The following DACH2 variants were observed in gnomAD, a reference collection of about 807,000 sequenced individuals.
DACH2 encodes dachshund homolog 2.
DACH2 carries 17 observed loss-of-function variants against 35.8 expected under a neutral mutation model. That is an observed-to-expected ratio of 0.48 (90% CI 0.33 to 0.71). DACH2 has a LOEUF of 0.71. Among genes scored for constraint, DACH2 ranks in the 30% least tolerant of loss-of-function variants. DACH2 has a pLI of 0.02. For missense variants in DACH2, 469 were observed against 472.7 expected (o/e 0.99, Z 0.07); for synonymous variants, 195 against 177.3 (o/e 1.10, Z -0.79).
chrX:86,301,284 A>G (rs1255066448), intron 1 of DACH2, among the ~76,000 whole-genome samples: 2 of 112,285 alleles, frequency 1.8e-5, no homozygotes, highest in Non-Finnish European at 1.9e-5. Flanking sequence ...ATTGTGCAAC[A>G]GATACATCTA....
chrX:86,684,871 G>A (rs181015098), intron 4 of DACH2, among the ~76,000 whole-genome samples: 8 of 110,779 alleles, frequency 7.2e-5, no homozygotes, highest in African/African-American at 9.8e-5. Flanking sequence ...AGTAAATTTC[G>A]AGCTGTATAC....
At chrX:86,751,309 A>T (rs1371941638) in intron 7 of DACH2, among the ~76,000 whole-genome samples, 1 of 111,181 alleles carries the variant, frequency 9.0e-6, no homozygotes. Flanking sequence ...CGGATACAAG[A>T]TTGGTTCAAC....
intron 1 of DACH2, among the ~76,000 whole-genome samples, chrX:86,323,260 G>T (rs947880018): frequency 8.9e-6 from 1 of 112,441 alleles, no homozygotes; most frequent in Non-Finnish European, 1.9e-5. Flanking sequence ...TATCCAGTTT[G>T]ACTGGGCAGT....
intron 7 of DACH2, among the ~76,000 whole-genome samples, chrX:86,812,025 G>T (rs1738473174): frequency 9.0e-6 from 1 of 111,651 alleles, no homozygotes; most frequent in Non-Finnish European, 1.9e-5. Flanking sequence ...GATATTCCAT[G>T]AAATAAAAAG....
chrX:86,149,698 C>T (rs1407138590), intron 1 of DACH2, among the ~76,000 whole-genome samples: 1 of 112,293 alleles, frequency 8.9e-6, no homozygotes, highest in Non-Finnish European at 1.9e-5. Flanking sequence ...TGTATGTGTG[C>T]AAGTGCGCGT....
At chrX:86,501,359 A>G (rs2038246794) in intron 2 of DACH2, among the ~76,000 whole-genome samples, 1 of 111,701 alleles carries the variant, frequency 9.0e-6, no homozygotes, top group Non-Finnish European at 1.9e-5. Context: ...CATGGCTAAT[A>G]TTAATTGGAA....
chrX:86,477,606 A>T (rs997369475), intron 2 of DACH2, among the ~76,000 whole-genome samples: 2 of 109,575 alleles, frequency 1.8e-5, no homozygotes, highest in African/African-American at 6.6e-5. Context: ...GTTCAGTTTT[A>T]AAAAATCTAT....
At chrX:86,551,826 A>G (rs927408186) in intron 3 of DACH2, among the ~76,000 whole-genome samples, 21 of 111,759 alleles carry the variant, frequency 1.9e-4, no homozygotes, top group Non-Finnish European at 3.8e-4. Context: ...CTTTGATATG[A>G]GTGTGCTTTC....
intron 1 of DACH2, among the ~76,000 whole-genome samples, chrX:86,348,162 T>C (rs904652791): frequency 3.4e-4 from 38 of 111,754 alleles, no homozygotes; most frequent in African/African-American, 1.2e-3. Flanking sequence ...CCCGTCTTTT[T>C]CTTAGTAAAA....
chrX:86,711,041 A>G (rs777730161), intron 5 of DACH2, among the ~76,000 whole-genome samples: 1 of 112,303 alleles, frequency 8.9e-6, no homozygotes, highest in South Asian at 3.7e-4. Flanking sequence ...GCACTTACAT[A>G]AAAATTATAG....
chrX:86,158,073 C>T (rs886486652), intron 1 of DACH2, among the ~76,000 whole-genome samples: 1 of 110,922 alleles, frequency 9.0e-6, no homozygotes, highest in Non-Finnish European at 1.9e-5. Context: ...TAAAAAAGAT[C>T]ATCCATAAAA....
chrX:86,418,117 C>T (rs2036740437), intron 2 of DACH2, among the ~76,000 whole-genome samples: 1 of 112,385 alleles, frequency 8.9e-6, no homozygotes, highest in Admixed American at 9.4e-5. Context: ...TGCCCATGGT[C>T]TTGGACAGCT....
chrX:86,423,615 G>T (rs1435919090), intron 2 of DACH2, among the ~76,000 whole-genome samples: 1 of 109,046 alleles, frequency 9.2e-6, no homozygotes, highest in Non-Finnish European at 1.9e-5. Context: ...TCTGTGAGTT[G>T]TGTCTTCATT....
chrX:86,410,920 G>T (rs1426955506), intron 2 of DACH2, among the ~76,000 whole-genome samples: 1 of 103,229 alleles, frequency 9.7e-6, no homozygotes, highest in Non-Finnish European at 2.0e-5. Flanking sequence ...TGCCACATTT[G>T]CTTTGTCTGT....
intron 1 of DACH2, among the ~76,000 whole-genome samples, chrX:86,194,326 T>G (rs1444680014): frequency 8.9e-6 from 1 of 111,753 alleles, no homozygotes; most frequent in African/African-American, 3.3e-5. Context: ...CTTCAAGATA[T>G]AGCTAATTAG....
At chrX:86,194,141 C>T (rs1453963006) in intron 1 of DACH2, among the ~76,000 whole-genome samples, 3 of 110,854 alleles carry the variant, frequency 2.7e-5, no homozygotes, top group Non-Finnish European at 5.7e-5. Context: ...CCAAGTTCTG[C>T]TAATTTGACT....
intron 3 of DACH2, among the ~76,000 whole-genome samples, chrX:86,532,857 CA>C (rs1231582006): frequency 9.1e-6 from 1 of 110,428 alleles, no homozygotes; most frequent in African/African-American, 3.3e-5. Flanking sequence ...GAGATAGAAC[CA>C]TACATTGTTC....
chrX:86,832,197 T>A lies in DACH2; in HGVS notation c.*42T>A. The A allele has an allele frequency of 9.8e-7, 1 of 1,022,186 alleles. No individual in the cohort carries two copies. Among genetic ancestry groups the A allele is most frequent in the Non-Finnish European group, 1.4e-6 (1 of 729,106 alleles). 84.2% of individuals were successfully genotyped at this position (1,022,186 alleles called of 1,213,427 possible). On this transcript the variant is annotated 3_prime_UTR_variant, in exon 12 of 12. Coordinates refer to ENST00000373125, the MANE Select transcript of DACH2 (RefSeq NM_053281.3). The stretch of plus-strand genomic sequence containing the variant: ...TTACATAAATGAAGATGCTTGTGAT[T>A]CCAGTTTATCTCTGAAACTATTCAA...
At chrX:86,709,922 C>A (rs752136012) in intron 5 of DACH2, among the ~76,000 whole-genome samples, 1 of 111,946 alleles carries the variant, frequency 8.9e-6, no homozygotes, top group Admixed American at 9.5e-5. Flanking sequence ...ACAACAGGAA[C>A]TTTCAGTTTG....
Sources: gnomAD v4.1 joint callset for allele counts (sites outside exome capture counted in the v4.1 genomes callset) on GRCh38, gnomAD v4.1.1 for gene constraint, MANE v1.5 for transcripts, NCBI Gene and HGNC (gene_info 2026-07-23, HGNC 2026-07-21) for gene names.